The following COMMD10 variants were observed in gnomAD, a reference collection of about 807,000 sequenced individuals.
COMMD10 encodes the protein COMM domain-containing protein 10.
A neutral mutation model predicts 28.9 loss-of-function variants in COMMD10; 33 were observed. The observed-to-expected ratio is 1.14, with a 90% CI of 0.87 to 1.53. The LOEUF (loss-of-function observed/expected upper bound fraction) is 1.53. Among genes scored for constraint, COMMD10 ranks in the 40% most tolerant of loss-of-function variants. COMMD10 has a pLI of 0.00. For missense variants in COMMD10, 310 were observed against 233.4 expected (o/e 1.33, Z -2.14); for synonymous variants, 110 against 81.7 (o/e 1.35, Z -1.87).
At chr5:116,168,263 G>A (rs1339272661) in intron 5 of COMMD10, among the ~76,000 whole-genome samples, 1 of 151,732 alleles carries the variant, frequency 6.6e-6, no homozygotes, top group Admixed American at 6.6e-5. Context: ...ATGATAAAGG[G>A]ATCAGTGCAA....
At chr5:116,183,198 A>G (rs1265053592) in intron 5 of COMMD10, among the ~76,000 whole-genome samples, 1 of 152,180 alleles carries the variant, frequency 6.6e-6, no homozygotes, top group Non-Finnish European at 1.5e-5. Flanking sequence ...TACCATGGGC[A>G]TATAATATCT....
At chr5:116,113,620 A>C (rs1302510750) in intron 4 of COMMD10, among the ~76,000 whole-genome samples, 1 of 151,736 alleles carries the variant, frequency 6.6e-6, no homozygotes, top group East Asian at 1.9e-4. Flanking sequence ...CCTTCAGTGA[A>C]TTTTTTAGTT....
chr5:116,276,475 A>G (rs1326837354), intron 5 of COMMD10, among the ~76,000 whole-genome samples: 1 of 151,708 alleles, frequency 6.6e-6, no homozygotes, highest in South Asian at 2.1e-4. Context: ...ACCTCAGGTG[A>G]TCCACCCACC....
chr5:116,118,612 C>G (rs1037339546), intron 4 of COMMD10, among the ~76,000 whole-genome samples: 4 of 152,104 alleles, frequency 2.6e-5, no homozygotes, highest in Non-Finnish European at 5.9e-5. Flanking sequence ...GGTTGTACTT[C>G]AAGCCTTTTT....
intron 5 of COMMD10, among the ~76,000 whole-genome samples, chr5:116,205,707 T>G (rs573886598): frequency 1.6e-3 from 246 of 152,264 alleles, no homozygotes; most frequent in African/African-American, 5.7e-3. Flanking sequence ...TGGAAAAATA[T>G]AAAATTAAAA....
intron 4 of COMMD10, among the ~76,000 whole-genome samples, chr5:116,105,349 AT>A (rs1561602777): frequency 6.6e-6 from 1 of 152,038 alleles, no homozygotes; most frequent in Non-Finnish European, 1.5e-5. Flanking sequence ...GTGCTGCTGG[AT>A]TTGGTTTGCT....
At chr5:116,156,609 A>G (rs1344804273) in intron 5 of COMMD10, among the ~76,000 whole-genome samples, 3 of 152,078 alleles carry the variant, frequency 2.0e-5, no homozygotes, top group Non-Finnish European at 4.4e-5. Context: ...TGAATTTTGA[A>G]TACTTTCCAT....
intron 4 of COMMD10, among the ~76,000 whole-genome samples, chr5:116,092,959 CT>C (rs1374498026): frequency 6.6e-6 from 1 of 152,142 alleles, no homozygotes; most frequent in Admixed American, 6.5e-5. Flanking sequence ...GAAACTATCG[CT>C]CGCTGCCATT....
intron 5 of COMMD10, among the ~76,000 whole-genome samples, chr5:116,228,916 G>A (rs1749462805): frequency 6.6e-6 from 1 of 151,834 alleles, no homozygotes; most frequent in Non-Finnish European, 1.5e-5. Flanking sequence ...ACTTAGTGTG[G>A]GAATCATATT....
At chr5:116,121,826 G>GT (rs1271176740) in intron 4 of COMMD10, among the ~76,000 whole-genome samples, 1 of 152,118 alleles carries the variant, frequency 6.6e-6, no homozygotes, top group African/African-American at 2.4e-5. Flanking sequence ...TTTGAATGGG[G>GT]TTATTTGTTT....
At chr5:116,288,825 T>A (rs1751286628) in intron 5 of COMMD10, among the ~76,000 whole-genome samples, 1 of 151,320 alleles carries the variant, frequency 6.6e-6, no homozygotes, top group African/African-American at 2.4e-5. Flanking sequence ...TCTCGTTTTG[T>A]TCATGTATCA....
At chr5:116,231,846 G>GA (rs200937792) in intron 5 of COMMD10, among the ~76,000 whole-genome samples, 19 of 148,026 alleles carry the variant, frequency 1.3e-4, no homozygotes, top group East Asian at 4.0e-4. Flanking sequence ...AGACAATCCA[G>GA]AAAAAAAAAC....
chr5:116,256,252 T>A (rs569543557), intron 5 of COMMD10, among the ~76,000 whole-genome samples: 1 of 151,714 alleles, frequency 6.6e-6, no homozygotes, highest in Non-Finnish European at 1.5e-5. Context: ...TTCGGACAGA[T>A]CTTGAAGACT....
chr5:116,233,860 C>T (rs1749591341), intron 5 of COMMD10, among the ~76,000 whole-genome samples: 1 of 152,046 alleles, frequency 6.6e-6, no homozygotes, highest in Admixed American at 6.6e-5. Flanking sequence ...GATTTTAGCT[C>T]TCGTTTTCAG....
At position 116,100,371 on chromosome 5, in the gene COMMD10, T is replaced by C. The variant is rs528031398; in HGVS notation, c.399+7671T>C. ...AAAGTGATACGCTTTTGGTGTCCTATCCAAAAAATCATTGCAAAGGCCAGT... is the reference window on the plus strand; with the variant it reads ...AAAGTGATACGCTTTTGGTGTCCTACCCAAAAAATCATTGCAAAGGCCAGT... On this transcript the variant is annotated intron_variant, in intron 4 of 6. Transcript: ENST00000274458. Among the ~76,000 whole-genome samples, 4 of 152,284 alleles carry C rather than the reference T, an allele frequency of 2.6e-5. No homozygotes were observed. In the South Asian group the frequency reaches 6.2e-4, roughly 24 times the overall value.
intron 5 of COMMD10, among the ~76,000 whole-genome samples, chr5:116,245,707 A>G (rs181109347): frequency 6.6e-6 from 1 of 152,184 alleles, no homozygotes; most frequent in South Asian, 2.1e-4. Context: ...AATAAATGTC[A>G]TTCATCACAT....
intron 5 of COMMD10, among the ~76,000 whole-genome samples, chr5:116,194,001 A>T (rs10078055): frequency 1.3e-5 from 2 of 152,086 alleles, no homozygotes; most frequent in African/African-American, 2.4e-5. Context: ...ACTGGAAATC[A>T]ACTCCAAAAG....
chr5:116,109,595 A>AAAAC (rs1284639686), intron 4 of COMMD10, among the ~76,000 whole-genome samples: 8 of 152,202 alleles, frequency 5.3e-5, no homozygotes, highest in Non-Finnish European at 1.2e-4. Flanking sequence ...CTCTGTCTCA[A>AAAAC]AAACAAACAA....
intron 5 of COMMD10, among the ~76,000 whole-genome samples, chr5:116,231,973 C>G (rs978037096): frequency 2.6e-5 from 4 of 152,076 alleles, no homozygotes; most frequent in Non-Finnish European, 4.4e-5. Context: ...CTTCTCACCC[C>G]CTCCATGGCA....
Sources: allele counts gnomAD v4.1 joint callset (sites outside exome capture counted in the v4.1 genomes callset), GRCh38; gene constraint gnomAD v4.1.1; transcripts MANE v1.5; gene names NCBI Gene and HGNC (gene_info 2026-07-23, HGNC 2026-07-21).